The following AKAP6 variants were observed in gnomAD, a reference collection of about 807,000 sequenced individuals.
The protein encoded by AKAP6 is A-kinase anchoring protein 6, also known as A-kinase anchor protein 6.
AKAP6 carries 58 observed loss-of-function variants against 188.5 expected under a neutral mutation model. The observed-to-expected ratio is 0.31, with a 90% CI of 0.25 to 0.38. AKAP6 has a LOEUF of 0.38. AKAP6 is among the 10% of genes least tolerant of loss of function. The probability of loss-of-function intolerance (pLI) is 1.00; values close to 1 mark genes in which losing one functional copy is unlikely to be tolerated. For synonymous variants in AKAP6, 989 were observed against 998.6 expected (o/e 0.99, Z 0.18); for missense variants, 2,710 against 2,740.0 (o/e 0.99, Z 0.24).
intron 11 of AKAP6, among the ~76,000 whole-genome samples, chr14:32,746,767 C>T (rs1395924191): frequency 1.3e-5 from 2 of 152,118 alleles, no homozygotes; most frequent in Non-Finnish European, 2.9e-5. Flanking sequence ...GAATCTGCCC[C>T]TATGTAGACT....
chr14:32,334,434 A>G (rs1013822279), intron 1 of AKAP6, among the ~76,000 whole-genome samples: 1 of 152,156 alleles, frequency 6.6e-6, no homozygotes, highest in African/African-American at 2.4e-5. Context: ...CTATCTCGCT[A>G]TCATAATGCC....
intron 8 of AKAP6, among the ~76,000 whole-genome samples, chr14:32,686,574 T>C (rs539681587): frequency 6.6e-6 from 1 of 152,188 alleles, no homozygotes; most frequent in African/African-American, 2.4e-5. Flanking sequence ...ATATACGTAC[T>C]ATGTACCCAC....
At chr14:32,371,972 C>A (rs994143409) in intron 1 of AKAP6, among the ~76,000 whole-genome samples, 1 of 151,942 alleles carries the variant, frequency 6.6e-6, no homozygotes, top group Non-Finnish European at 1.5e-5. Flanking sequence ...CTCCTTCTCC[C>A]TCTTCCTCCC....
intron 12 of AKAP6, among the ~76,000 whole-genome samples, chr14:32,811,116 G>A (rs1241685809): frequency 1.3e-5 from 2 of 151,806 alleles, no homozygotes. Context: ...GTGGGCGCCT[G>A]TTGTCCCAGC....
At chr14:32,745,012 A>G (rs552324021) in intron 11 of AKAP6, among the ~76,000 whole-genome samples, 1 of 152,088 alleles carries the variant, frequency 6.6e-6, no homozygotes, top group Admixed American at 6.5e-5. Flanking sequence ...TCTCTGTGTT[A>G]TCTTGAATTC....
At chr14:32,363,351 T>C (rs1887726140) in intron 1 of AKAP6, among the ~76,000 whole-genome samples, 1 of 152,154 alleles carries the variant, frequency 6.6e-6, no homozygotes, top group South Asian at 2.1e-4. Context: ...GACAGATGTA[T>C]ATATGAAAGG....
At chr14:32,686,369 A>T (rs1889925091) in intron 8 of AKAP6, among the ~76,000 whole-genome samples, 1 of 152,202 alleles carries the variant, frequency 6.6e-6, no homozygotes, top group Non-Finnish European at 1.5e-5. Flanking sequence ...AATAAGACCT[A>T]GCGCTTGATA....
intron 9 of AKAP6, among the ~76,000 whole-genome samples, chr14:32,716,250 G>T (rs185400124): frequency 6.6e-6 from 1 of 151,826 alleles, no homozygotes; most frequent in Admixed American, 6.6e-5. Flanking sequence ...GCGATTAAAT[G>T]GTTACATATG....
At chr14:32,809,665 A>G (rs1243857438) in intron 12 of AKAP6, among the ~76,000 whole-genome samples, 2 of 152,162 alleles carry the variant, frequency 1.3e-5, no homozygotes, top group African/African-American at 4.8e-5. Context: ...TGGCTTTACT[A>G]AATAACGAAG....
Position 32,545,548 on chromosome 14 carries a change from C to T in AKAP6, c.895C>T (p.Leu299Phe). The change falls in exon 4 of 14, where the codon CTC becomes TTC. Residue 299 changes from leucine (L) to phenylalanine (F), a missense_variant. Physicochemically the swap from Leu to Phe is conservative, Grantham distance 22. Transcript: ENST00000280979. ...TACTGAGGAGGTATCTCAAGTATCT[C>T]TCTCAGTAGACGACAAAGGTGGATG... is the stretch of plus-strand genomic sequence containing the variant. ...AVTEEVSQVS[L>F]SVDDKGGCEE... 1 of 1,614,220 alleles carries T rather than the reference C, an allele frequency of 6.2e-7. No homozygotes were observed. The highest frequency in any genetic ancestry group is 2.2e-5 in the East Asian group (1 of 44,888).
At chr14:32,711,154 T>C (rs1031103766) in intron 9 of AKAP6, among the ~76,000 whole-genome samples, 22 of 152,202 alleles carry the variant, frequency 1.4e-4, no homozygotes, top group Middle Eastern at 3.4e-3. Context: ...TGCAGTAATA[T>C]CTGTTGATTA....
intron 8 of AKAP6, among the ~76,000 whole-genome samples, chr14:32,682,052 T>G (rs1246807021): frequency 2.6e-5 from 4 of 152,240 alleles, no homozygotes; most frequent in African/African-American, 7.2e-5. Flanking sequence ...GGATTTTAAG[T>G]GTCAAGTTAG....
At chr14:32,352,343 T>C (rs1887316960) in intron 1 of AKAP6, among the ~76,000 whole-genome samples, 2 of 152,088 alleles carry the variant, frequency 1.3e-5, no homozygotes, top group Admixed American at 6.6e-5. Flanking sequence ...TACAAGTATG[T>C]ATTTTGTACT....
At position 32,654,368 on chromosome 14, in the gene AKAP6, G is replaced by A. The variant is rs546862877; in HGVS notation, c.2731-23943G>A. Among the ~76,000 whole-genome samples, 4 of 152,074 alleles carry A rather than the reference G, an allele frequency of 2.6e-5. No individual in the cohort carries two copies. In the South Asian group the frequency reaches 8.3e-4, roughly 32 times the overall value. ...GCTACCCTAGCGGATGTTCTGTTGT[G>A]GAATGAAATGGCATTGACTAAAATG... On this transcript the variant is annotated intron_variant, in intron 7 of 13. Coordinates refer to ENST00000280979, the MANE Select transcript of AKAP6 (RefSeq NM_004274.5).
In AKAP6 at chr14:32,823,416, A is replaced by T. The variant is rs759586024; in HGVS notation, c.5603A>T (p.His1868Leu). 2.5e-6 allele frequency: 4 copies of T among 1,612,930 alleles called. No individual in the cohort carries two copies. Among genetic ancestry groups the T allele is most frequent in the Non-Finnish European group, 3.4e-6 (4 of 1,179,176 alleles). Residue 1868 changes from histidine (H) to leucine (L), a missense_variant, in exon 13 of 14, where the codon CAT (histidine) becomes CTT (leucine). By Grantham distance (99) the His-to-Leu change is moderately conservative. This residue lies in a region of AKAP6 where 2,473 missense variants were observed against 2,426.1 expected (regional missense o/e 1.02). Transcript: ENST00000280979. The part of the protein sequence containing the change: ...ENNGNGKNSS[H>L]THELGTKREN... ...AATGGAAATGGTAAGAATTCATCTC[A>T]TACCCATGAGTTAGGGACAAAGCGT... is the stretch of plus-strand genomic sequence containing the variant.
chr14:32,583,674 C>T (rs1885088236), intron 5 of AKAP6, among the ~76,000 whole-genome samples: 1 of 152,228 alleles, frequency 6.6e-6, no homozygotes, highest in East Asian at 1.9e-4. Context: ...CAAGCCTGGG[C>T]AATGGCGGGT....
At chr14:32,540,789 T>C (rs1425917413) in intron 3 of AKAP6, among the ~76,000 whole-genome samples, 2 of 152,154 alleles carry the variant, frequency 1.3e-5, no homozygotes, top group African/African-American at 2.4e-5. Flanking sequence ...TGAGAAACTT[T>C]AGAGAACTTT....
intron 5 of AKAP6, among the ~76,000 whole-genome samples, chr14:32,581,263 T>C (rs1365093637): frequency 6.6e-6 from 1 of 152,224 alleles, no homozygotes; most frequent in Non-Finnish European, 1.5e-5. Context: ...CCAGTAGTTA[T>C]TCAGGAGCAG....
At chr14:32,624,095 C>T (rs1056868532) in intron 7 of AKAP6, among the ~76,000 whole-genome samples, 1 of 152,020 alleles carries the variant, frequency 6.6e-6, no homozygotes, top group African/African-American at 2.4e-5. Context: ...AAAAAGAGAT[C>T]TTGGTAAGTA....
Sources: gnomAD v4.1 joint callset for allele counts (sites outside exome capture counted in the v4.1 genomes callset) on GRCh38, gnomAD v4.1.1 for gene constraint, gnomAD v4.1.1 regional missense constraint, MANE v1.5 for transcripts, NCBI Gene and HGNC (gene_info 2026-07-23, HGNC 2026-07-21) for gene names.